Variants in XAF1 observed in about 807,000 individuals in gnomAD.
The protein encoded by XAF1 is XIAP associated factor 1.
In XAF1, 32 loss-of-function variants were observed where a neutral mutation model predicts 32.3. The ratio of observed to expected loss-of-function variants is 0.99; its 90% CI spans 0.75 to 1.33. XAF1 has a LOEUF of 1.33. Ranked by LOEUF, XAF1 falls within the 40% of genes most tolerant of loss-of-function variation. The pLI is 0.00. For missense variants in XAF1, 379 were observed against 366.0 expected, an observed-to-expected ratio of 1.04 and a Z score of -0.29; for synonymous variants, 120 against 125.9, an observed-to-expected ratio of 0.95 and a Z score of 0.31.
At chr17:6,762,065 T>C (rs755789141) in intron 4 of XAF1, 90 bp from the exon 5 acceptor site, 1 of 1,599,388 alleles carries the variant, frequency 6.3e-7, no homozygotes, top group Non-Finnish European at 8.5e-7. Context: ...TTCGTGCTCA[T>C]GAGCACAGGC....
chr17:6,756,167 G>T, intron 1 of XAF1, 57 bp downstream of exon 1: 1 of 1,612,834 alleles, frequency 6.2e-7, no homozygotes, highest in South Asian at 1.1e-5. Flanking sequence ...AGACGTAGAC[G>T]ACATAGGGCT....
chr17:6,759,139 T>C (rs1401843609), intron 2 of XAF1: 4 of 1,016,680 alleles, frequency 3.9e-6, no homozygotes, highest in Non-Finnish European at 4.7e-6. Context: ...TTGAGGGCCA[T>C]GGGAAGTCAT....
In XAF1 at chr17:6,770,952, C is replaced by G. The variant is rs1975990855; in HGVS notation, c.817C>G (p.Leu273Val). ...GAGGAGATGTTCTCAGTGTGGCATC[C>G]TGCTTCCCCTGCCGATCCTAAATCA... ...ILRRCSQCGI[L>V]LPLPILNQHQ... The change falls in exon 6 of 7, where the codon CTG (leucine) becomes GTG (valine). Residue 273 changes from leucine (L) to valine (V), a missense_variant. By Grantham distance (32) the Leu-to-Val change is conservative. Coordinates refer to ENST00000361842, the MANE Select transcript of XAF1 (RefSeq NM_017523.5). 1 of 1,614,120 alleles carries G rather than the reference C, an allele frequency of 6.2e-7. No individual in the cohort carries two copies. Among genetic ancestry groups the G allele is most frequent in the Admixed American group, 1.7e-5 (1 of 60,018 alleles).
intron 1 of XAF1, among the ~76,000 whole-genome samples, chr17:6,757,775 G>C (rs9907577): frequency 1.3e-5 from 2 of 152,132 alleles, no homozygotes; most frequent in South Asian, 4.1e-4. Flanking sequence ...CACCATCCCC[G>C]TAATTGAGAT....
intron 1 of XAF1, among the ~76,000 whole-genome samples, chr17:6,756,578 G>A (rs923164124): frequency 2.6e-5 from 4 of 152,022 alleles, no homozygotes; most frequent in East Asian, 1.9e-4. Flanking sequence ...CACCTCTAAC[G>A]GGAGGGGGGG....
chr17:6,766,607 C>T (rs1418830445), intron 5 of XAF1, among the ~76,000 whole-genome samples: 3 of 152,222 alleles, frequency 2.0e-5, no homozygotes, highest in Non-Finnish European at 4.4e-5. Context: ...TTCAGTATTA[C>T]ATTAGTATAA....
At chr17:6,760,752 C>G (rs1215240972) in intron 4 of XAF1, 151 bp downstream of exon 4, 2 of 904,626 alleles carry the variant, frequency 2.2e-6, no homozygotes, top group Non-Finnish European at 3.3e-6. Context: ...AATTCTAAAC[C>G]ATGCCTCAGA....
rs530723465 is a variant in XAF1, at chr17:6,762,318, T to C, written c.507+78T>C. The C allele has an allele frequency of 3.2e-5, 40 of 1,267,148 alleles. No homozygotes were observed. The Admixed American group carries it at 7.1e-4, about 22-fold the overall frequency. The allele number at this position is 1,267,148 out of a possible 1,614,324, so 78.5% of individuals were successfully genotyped here. ...GAAAAGTGTGATAGGAAAGGCAGAT[T>C]CTGGGCCCAATTTTACATAGCATGG... On this transcript the variant is annotated intron_variant, in intron 5 of 6. Transcript: ENST00000361842.
chr17:6,770,264 A>C (rs1163875857), intron 5 of XAF1, among the ~76,000 whole-genome samples: 4 of 152,240 alleles, frequency 2.6e-5, no homozygotes, highest in Non-Finnish European at 4.4e-5. Context: ...AGCATGGTAG[A>C]AAGCAAAAGA....
intron 5 of XAF1, 132 bp from the exon 6 acceptor site, chr17:6,770,511 A>G: frequency 1.4e-6 from 1 of 729,588 alleles, no homozygotes; most frequent in South Asian, 2.9e-5. Flanking sequence ...ATTAAATTGA[A>G]TGTCTGTCAC....
At chr17:6,764,162 T>C (rs1024555269) in intron 5 of XAF1, among the ~76,000 whole-genome samples, 3 of 152,236 alleles carry the variant, frequency 2.0e-5, no homozygotes, top group African/African-American at 7.2e-5. Context: ...TTCTTTCTTC[T>C]TTTGAGGAAA....
At chr17:6,756,148 G>T in intron 1 of XAF1, 38 bp downstream of exon 1, 1 of 1,613,936 alleles carries the variant, frequency 6.2e-7, no homozygotes, top group East Asian at 2.2e-5. Context: ...ACCCGGGCTG[G>T]CGAGGGAGAG....
rs182886479 is a variant in XAF1, at chr17:6,762,234, C to T, written c.501C>T (p.His167=). 79 of 1,610,372 alleles carry T rather than the reference C, an allele frequency of 4.9e-5. No homozygotes were observed. Among genetic ancestry groups the T allele is most frequent in the Non-Finnish European group, 6.4e-5 (76 of 1,178,312 alleles). The change falls in exon 5 of 7, where the codon CAC becomes CAT. Residue 167 remains histidine, a synonymous_variant. Transcript: ENST00000361842. ...TGATTCCAGAAAATAAGTATTTCCA[C>T]CATATGGTGAGTAGCACTTAGTAAT... ...NQMIPENKYF[H]HMGKCCPDSE...
At chr17:6,765,705 C>T (rs893114618) in intron 5 of XAF1, among the ~76,000 whole-genome samples, 2 of 152,198 alleles carry the variant, frequency 1.3e-5, no homozygotes, top group African/African-American at 4.8e-5. Flanking sequence ...CTCCGCATTG[C>T]TACCCTGGTA....
Position 6,770,914 on chromosome 17 carries a change from C to T in XAF1, c.779C>T (p.Ala260Val). The change falls in exon 6 of 7, where the codon GCC (alanine) becomes GTC (valine). Residue 260 changes from alanine (A) to valine (V), a missense_variant. By Grantham distance (64) the Ala-to-Val change is moderately conservative. Transcript: ENST00000361842. ...AGCTCCCCTAGAGGAGATAAAGCAG[C>T]CTATGACATTCTGAGGAGATGTTCT... is the stretch of plus-strand genomic sequence containing the variant. ...RTSSPRGDKAAYDILRRCSQC... is the reference protein window; with the variant it reads ...RTSSPRGDKAVYDILRRCSQC... 1 of 1,614,140 alleles carries T rather than the reference C, an allele frequency of 6.2e-7. No individual in the cohort carries two copies. The highest frequency in any genetic ancestry group is 8.5e-7 in the Non-Finnish European group (1 of 1,180,028).
chr17:6,758,389 A>T, intron 2 of XAF1, 165 bp downstream of exon 2: 8 of 998,456 alleles, frequency 8.0e-6, no homozygotes, highest in East Asian at 2.8e-5. Flanking sequence ...TCTGCAGGAG[A>T]GATGGGGTCT....
intron 5 of XAF1, 106 bp downstream of exon 5, chr17:6,762,346 ATT>A: frequency 1.1e-6 from 1 of 901,812 alleles, no homozygotes; most frequent in African/African-American, 1.7e-5. Context: ...TAGCATGGAT[ATT>A]AAAGGGTCCC....
chr17:6,756,289 G>C, intron 1 of XAF1, 179 bp downstream of exon 1: 2 of 1,358,984 alleles, frequency 1.5e-6, no homozygotes, highest in African/African-American at 1.5e-5. Flanking sequence ...ATCTCTGGGT[G>C]GGGGTGGGCA....
intron 5 of XAF1, among the ~76,000 whole-genome samples, chr17:6,766,161 A>G (rs1216053015): frequency 6.6e-6 from 1 of 152,202 alleles, no homozygotes; most frequent in Non-Finnish European, 1.5e-5. Context: ...AAGGAGATGT[A>G]CCACAACAAC....
Sources: allele counts gnomAD v4.1 joint callset (sites outside exome capture counted in the v4.1 genomes callset), GRCh38; gene constraint gnomAD v4.1.1; transcripts MANE v1.5; gene names NCBI Gene and HGNC (gene_info 2026-07-23, HGNC 2026-07-21).